The following LMAN2 variants were observed in gnomAD, a reference collection of about 807,000 sequenced individuals.
LMAN2 encodes vesicular integral-membrane protein VIP36.
Under a neutral mutation model 39.3 loss-of-function variants are expected in LMAN2, and 22 were observed. The ratio of observed to expected loss-of-function variants is 0.56; its 90% CI spans 0.40 to 0.80. The LOEUF is 0.80. Among genes scored for constraint, LMAN2 ranks in the 30% least tolerant of loss-of-function variants. The pLI is 0.00. For synonymous variants in LMAN2, 207 were observed against 207.8 expected (o/e 1.00, Z 0.03); for missense variants, 494 against 505.4 (o/e 0.98, Z 0.22).
chr5:177,345,177 CA>C lies in LMAN2; in HGVS notation c.315+5995del, dbSNP rs55947322. The stretch of plus-strand genomic sequence containing the variant: ...CAACATGGTGAAACCCTACTTCTAC[CA>C]AAAAAAAAAAAAAAAAATTAGCCAG... On this transcript the variant is annotated intron_variant, in intron 2 of 7. Transcript: ENST00000303127. Among the ~76,000 whole-genome samples, 823 of 116,390 alleles carry C rather than the reference CA, an allele frequency of 7.1e-3. 1 individual carries two copies. Among genetic ancestry groups the C allele is most frequent in the African/African-American group, 0.013 (403 of 31,412 alleles). 76.4% of individuals were successfully genotyped at this position (116,390 alleles called of 152,430 possible).
At chr5:177,338,346 CACGGGAG>C (rs1561604603) in intron 3 of LMAN2, 135 bp downstream of exon 3, 4 of 665,440 alleles carry the variant, frequency 6.0e-6, no homozygotes, top group Non-Finnish European at 1.1e-5. Context: ...GGACTTTATC[CACGGGAG>C]GCAGCACTTT....
chr5:177,335,921 A>T (rs903376568), intron 6 of LMAN2, among the ~76,000 whole-genome samples: 1 of 152,118 alleles, frequency 6.6e-6, no homozygotes, highest in Non-Finnish European at 1.5e-5. Flanking sequence ...AGAAACCGAG[A>T]ACCACAGCCA....
chr5:177,340,380 C>T (rs1307461950), intron 2 of LMAN2, among the ~76,000 whole-genome samples: 3 of 152,100 alleles, frequency 2.0e-5, no homozygotes, highest in Non-Finnish European at 2.9e-5. Flanking sequence ...GTGCAGGTTA[C>T]ATGGGTATAC....
Position 177,351,550 on chromosome 5 carries a change from A to G in LMAN2, c.98T>C (p.Leu33Pro). The change falls in exon 1 of 8, where the codon CTC becomes CCC. Residue 33 changes from leucine (L) to proline (P), a missense_variant. Leu to Pro is a moderately conservative substitution (Grantham distance 98, BLOSUM62 -3). Coordinates refer to ENST00000303127, the MANE Select transcript of LMAN2 (RefSeq NM_006816.3). ...LGPGPGPTTP[L>P]FLLLLLGSVT... ...AGACCCCAACAACAAAAGAAGAAAGAGAGGTGTAGTGGGGCCAGGGCCGGG... is the reference window on the plus strand; with the variant it reads ...AGACCCCAACAACAAAAGAAGAAAGGGAGGTGTAGTGGGGCCAGGGCCGGG... 4 of 1,614,258 alleles carry G rather than the reference A, an allele frequency of 2.5e-6. No individual in the cohort carries two copies. The highest frequency in any genetic ancestry group is 1.3e-5 in the African/African-American group (1 of 75,072).
chr5:177,339,961 C>T (rs1007382324), intron 2 of LMAN2, among the ~76,000 whole-genome samples: 7 of 151,812 alleles, frequency 4.6e-5, no homozygotes, highest in African/African-American at 1.7e-4. Flanking sequence ...CCCGAGAGCA[C>T]AAAAGAATGG....
intron 7 of LMAN2, among the ~76,000 whole-genome samples, chr5:177,333,634 A>C (rs1307267912): frequency 6.6e-6 from 1 of 152,238 alleles, no homozygotes; most frequent in African/African-American, 2.4e-5. Context: ...CACTTCTGTC[A>C]CTGGCTGGAC....
intron 2 of LMAN2, among the ~76,000 whole-genome samples, chr5:177,347,119 T>TA (rs1283384482): frequency 2.6e-5 from 4 of 151,748 alleles, no homozygotes; most frequent in South Asian, 2.1e-4. Context: ...TTGAAAACTT[T>TA]AAAAAAAAAT....
intron 3 of LMAN2, 83 bp downstream of exon 3, chr5:177,338,405 A>G: frequency 1.8e-6 from 2 of 1,095,382 alleles, no homozygotes; most frequent in Non-Finnish European, 2.8e-6. Context: ...AGCCACAGGC[A>G]GCCCCACCCC....
chr5:177,333,945 G>A (rs1761430312), intron 7 of LMAN2, among the ~76,000 whole-genome samples: 1 of 152,252 alleles, frequency 6.6e-6, no homozygotes. Flanking sequence ...CCTAGTGAGG[G>A]AGGATGCTGG....
intron 2 of LMAN2, among the ~76,000 whole-genome samples, chr5:177,349,705 A>C (rs1371577041): frequency 2.0e-5 from 3 of 152,220 alleles, no homozygotes; most frequent in Non-Finnish European, 4.4e-5. Flanking sequence ...GCTTTCAAAA[A>C]ATAATAATAA....
intron 7 of LMAN2, among the ~76,000 whole-genome samples, chr5:177,333,606 G>A (rs904123501): frequency 3.9e-5 from 6 of 152,202 alleles, no homozygotes; most frequent in South Asian, 2.1e-4. Context: ...GCTGGGCTAC[G>A]ACAGAGCCCG....
rs1482250442 is a variant in LMAN2 at position 177,339,848 on chromosome 5, T to G, written c.316-1243A>C. Among the ~76,000 whole-genome samples, 6 of 152,330 alleles carry G rather than the reference T, an allele frequency of 3.9e-5. No individual in the cohort carries two copies. The East Asian group carries it at 1.2e-3, about 29-fold the overall frequency. ...GATCACAGAAAAATAAAAAACACTGTACCCCAATTTGAGCAATATGCTTCA... is the reference window on the plus strand; with the variant it reads ...GATCACAGAAAAATAAAAAACACTGGACCCCAATTTGAGCAATATGCTTCA... On this transcript the variant is annotated intron_variant, in intron 2 of 7. Coordinates refer to ENST00000303127, the MANE Select transcript of LMAN2 (RefSeq NM_006816.3).
rs1490881958 is a variant in LMAN2 at position 177,351,308 on chromosome 5, G to A, written c.197-17C>T. ...AACCGACCCCTGTGGGAAGAGACAGGTGCTAAGAGGCCACGCCAGGACTGG... is the reference window on the plus strand; with the variant it reads ...AACCGACCCCTGTGGGAAGAGACAGATGCTAAGAGGCCACGCCAGGACTGG... On this transcript the variant is annotated splice_polypyrimidine_tract_variant and intron_variant, in intron 1 of 7. Transcript: ENST00000303127. 4 of 1,613,158 alleles carry A rather than the reference G, an allele frequency of 2.5e-6. No individual in the cohort carries two copies. In the South Asian group the frequency reaches 3.3e-5, roughly 13 times the overall value.
intron 2 of LMAN2, among the ~76,000 whole-genome samples, chr5:177,350,618 G>A (rs547733594): frequency 4.2e-4 from 64 of 152,330 alleles, no homozygotes; most frequent in African/African-American, 1.5e-3. Context: ...CGAGTGAACT[G>A]CTGGGCTTAG....
At position 177,334,291 on chromosome 5, in the gene LMAN2, C is replaced by A. The variant is rs201281402; in HGVS notation, c.903G>T (p.Ser301=). The A allele has an allele frequency of 4.2e-5, 68 of 1,611,632 alleles. No individual in the cohort carries two copies. Among genetic ancestry groups the A allele is most frequent in the Admixed American group, 1.0e-4 (6 of 60,000 alleles). ...GGGGCTGTGCACACGCACCTTTGGG[C>A]GACTTGAGGAAGTTGACGCTGGGCT... ...KIEPSVNFLK[S]PKDNVDDPTG... The change falls in exon 7 of 8, where the codon TCG becomes TCT. Residue 301 remains serine (S), a synonymous_variant. Transcript: ENST00000303127.
intron 2 of LMAN2, among the ~76,000 whole-genome samples, chr5:177,349,118 G>A (rs1186345361): frequency 6.6e-6 from 1 of 152,090 alleles, no homozygotes; most frequent in East Asian, 1.9e-4. Context: ...ACCCCCAAAA[G>A]GACAGGGCCT....
rs1761412930 is a variant in LMAN2 at position 177,332,976 on chromosome 5, C to T, written c.911-730G>A. 6.6e-6 allele frequency among the ~76,000 whole-genome samples: 1 copy of T among 152,222 alleles called. No homozygotes were observed. Among genetic ancestry groups the T allele is most frequent in the Non-Finnish European group, 1.5e-5 (1 of 68,042 alleles). ...CTCAGGCGTCCCCACACCCAGGCCT[C>T]GGGCCCAGGCCCTGCCTTTCAGCGA... On this transcript the variant is annotated intron_variant, in intron 7 of 7. Transcript: ENST00000303127. This position sits in a 1 kb window ranked among gnomAD's most constrained non-coding sequence, Gnocchi z 6.3.
At position 177,337,077 on chromosome 5, in the gene LMAN2, G is replaced by T; in HGVS notation, c.790+59C>A. On this transcript the variant is annotated intron_variant, in intron 6 of 7. Coordinates refer to ENST00000303127, the MANE Select transcript of LMAN2 (RefSeq NM_006816.3). The surrounding 1 kb of genome is among the most constrained non-coding windows in gnomAD (Gnocchi z 8.2). ...AGGCAGGCAATCAACTGCATGGAAA[G>T]CTCCCAGTCCCTCAGGGTGAGCTGG... 7.7e-7 allele frequency: 1 copy of T among 1,291,616 alleles called. No homozygotes were observed. Among genetic ancestry groups the T allele is most frequent in the Non-Finnish European group, 1.1e-6 (1 of 899,806 alleles). The allele number at this position is 1,291,616 out of a possible 1,614,324, so 80.0% of individuals were successfully genotyped here. A position where few individuals can be genotyped will look rare whatever the true frequency, so the allele number is the denominator to read the frequency against.
Position 177,351,624 on chromosome 5 carries a change from C to G in LMAN2, c.24G>C (p.Trp8Cys). The G allele has an allele frequency of 6.3e-7, 1 of 1,596,482 alleles. No homozygotes were observed. The highest frequency in any genetic ancestry group is 8.5e-7 in the Non-Finnish European group (1 of 1,173,834). The stretch of plus-strand genomic sequence containing the variant: ...GGCACCGCCGGCCCCAGCCCCAACG[C>G]CAAATCCAGCCTTCCGCCGCCATTC... The part of the protein sequence containing the change: MAAEGWI[W>C]RWGWGRRCLG... The change falls in exon 1 of 8, where the codon TGG becomes TGC. Residue 8 changes from tryptophan to cysteine, a missense_variant. Coordinates refer to ENST00000303127, the MANE Select transcript of LMAN2 (RefSeq NM_006816.3).
Sources: gnomAD v4.1 joint callset for allele counts (sites outside exome capture counted in the v4.1 genomes callset) on GRCh38, gnomAD v4.1.1 for gene constraint, Gnocchi (gnomAD v3.1) non-coding constraint, MANE v1.5 for transcripts, NCBI Gene and HGNC (gene_info 2026-07-23, HGNC 2026-07-21) for gene names.